The following BNC2 variants were observed in gnomAD, a reference collection of about 807,000 sequenced individuals.
BNC2 encodes zinc finger protein basonuclin-2.
A neutral mutation model predicts 76.3 loss-of-function variants in BNC2; 20 were observed. The observed-to-expected ratio is 0.26, with a 90% CI of 0.18 to 0.38. The LOEUF (loss-of-function observed/expected upper bound fraction) is 0.38, where lower values mean the gene tolerates loss of function less well. Among genes scored for constraint, BNC2 ranks in the 10% least tolerant of loss-of-function variants. The probability of loss-of-function intolerance (pLI) is 1.00; values close to 1 mark genes in which losing one functional copy is unlikely to be tolerated. For missense variants in BNC2, 1,382 were observed against 1,399.8 expected, an observed-to-expected ratio of 0.99 and a Z score of 0.20; for synonymous variants, 582 against 514.8, an observed-to-expected ratio of 1.13 and a Z score of -1.77.
chr9:16,516,175 G>A (rs533730819), intron 5 of BNC2, among the ~76,000 whole-genome samples: 55 of 152,238 alleles, frequency 3.6e-4, no homozygotes, highest in African/African-American at 9.6e-4. Flanking sequence ...GCCCCAGGCC[G>A]CAGGGTTCTA....
chr9:16,512,939 C>G lies in BNC2; in HGVS notation c.669+39591G>C, dbSNP rs577085255. Among the ~76,000 whole-genome samples the G allele has an allele frequency of 1.1e-4, 16 of 152,140 alleles. 1 individual carries two copies. The South Asian group carries it at 2.1e-3, about 20-fold the overall frequency. ...TCACTTGAGGCCAGGATTTCGAGAC[C>G]AGCCTGGCCAACATGGTGAAACCCG... On this transcript the variant is annotated intron_variant, in intron 5 of 6. Transcript: ENST00000380672.
At chr9:16,634,665 C>T (rs973022942) in intron 3 of BNC2, among the ~76,000 whole-genome samples, 2 of 152,140 alleles carry the variant, frequency 1.3e-5, no homozygotes, top group Admixed American at 6.5e-5. Flanking sequence ...CCACACCTGG[C>T]TAATTTTTTG....
intron 1 of BNC2, among the ~76,000 whole-genome samples, chr9:16,790,044 G>C (rs1437339436): frequency 3.3e-5 from 5 of 152,166 alleles, no homozygotes. Context: ...CTGTCGCCTA[G>C]GCTGGAGTGC....
At chr9:16,481,757 T>C (rs1174996916) in intron 5 of BNC2, among the ~76,000 whole-genome samples, 2 of 152,076 alleles carry the variant, frequency 1.3e-5, no homozygotes, top group Non-Finnish European at 2.9e-5. Flanking sequence ...CAAGGTACAG[T>C]GTGGTTATAA....
chr9:16,764,034 G>T (rs908815456), intron 1 of BNC2, among the ~76,000 whole-genome samples: 2 of 152,120 alleles, frequency 1.3e-5, no homozygotes, highest in African/African-American at 4.8e-5. Context: ...AGTATGTGAC[G>T]AGAATTAAAA....
At chr9:16,829,681 C>T (rs917701497) in intron 1 of BNC2, among the ~76,000 whole-genome samples, 5 of 152,122 alleles carry the variant, frequency 3.3e-5, no homozygotes, top group East Asian at 1.9e-4. Flanking sequence ...AACATCTTAA[C>T]GCACAGTAGG....
At chr9:16,564,909 A>G (rs1471006992) in intron 4 of BNC2, among the ~76,000 whole-genome samples, 1 of 152,114 alleles carries the variant, frequency 6.6e-6, no homozygotes, top group African/African-American at 2.4e-5. Context: ...CTCCCTTAAC[A>G]TTATCTAGCA....
At chr9:16,697,290 A>G (rs1201889498) in intron 3 of BNC2, among the ~76,000 whole-genome samples, 1 of 152,154 alleles carries the variant, frequency 6.6e-6, no homozygotes, top group African/African-American at 2.4e-5. Context: ...CCAGGTAGTG[A>G]GCCGAGATTG....
At chr9:16,824,275 C>G (rs1018499459) in intron 1 of BNC2, among the ~76,000 whole-genome samples, 19 of 152,146 alleles carry the variant, frequency 1.2e-4, no homozygotes, top group African/African-American at 4.6e-4. Flanking sequence ...AATGTTTGGT[C>G]ATTTTATGAT....
At chr9:16,508,821 CT>C (rs386414529) in intron 5 of BNC2, among the ~76,000 whole-genome samples, 118 of 143,378 alleles carry the variant, frequency 8.2e-4, no homozygotes, top group Middle Eastern at 3.6e-3. Context: ...TTTTGCACAT[CT>C]TTTTTTTTTT....
At chr9:16,606,976 C>G (rs1256850888) in intron 3 of BNC2, among the ~76,000 whole-genome samples, 2 of 151,430 alleles carry the variant, frequency 1.3e-5, no homozygotes, top group African/African-American at 4.8e-5. Context: ...GAGGCAGGGT[C>G]TCACTCTGTC....
At chr9:16,677,578 A>AACACACACATACACAC (rs1554706098) in intron 3 of BNC2, among the ~76,000 whole-genome samples, 10 of 139,344 alleles carry the variant, frequency 7.2e-5, no homozygotes, top group African/African-American at 2.8e-4. Context: ...GTCTCAAACA[A>AACACACACATACACAC]ACACACACAC....
At chr9:16,774,258 C>T (rs564892519) in intron 1 of BNC2, among the ~76,000 whole-genome samples, 1 of 152,312 alleles carries the variant, frequency 6.6e-6, no homozygotes, top group South Asian at 2.1e-4. Context: ...GCTGGGATTA[C>T]AGTCGTGAGC....
chr9:16,723,953 A>G (rs1824241449), intron 3 of BNC2, among the ~76,000 whole-genome samples: 1 of 152,136 alleles, frequency 6.6e-6, no homozygotes. Context: ...GTTCTTTAAT[A>G]AGACACAGTT....
intron 1 of BNC2, among the ~76,000 whole-genome samples, chr9:16,764,180 G>C (rs2135404632): frequency 6.6e-6 from 1 of 152,278 alleles, no homozygotes; most frequent in Non-Finnish European, 1.5e-5. Context: ...CTCACTGCCA[G>C]TAATTGCTTC....
At chr9:16,731,722 G>A (rs1824509881) in intron 2 of BNC2, among the ~76,000 whole-genome samples, 1 of 152,078 alleles carries the variant, frequency 6.6e-6, no homozygotes, top group African/African-American at 2.4e-5. Context: ...TTTATAGACT[G>A]CTGTAATTAA....
At chr9:16,870,290 TCGTCCCCCCAGCC>T (rs1032723861) in intron 1 of BNC2, among the ~76,000 whole-genome samples, 8 of 149,422 alleles carry the variant, frequency 5.4e-5, no homozygotes, top group Admixed American at 3.3e-4. Flanking sequence ...CCCCTCCACC[TCGTCCCCCCAGCC>T]CGTCCCCAAC....
intron 1 of BNC2, among the ~76,000 whole-genome samples, chr9:16,839,195 T>A (rs1818772457): frequency 6.6e-6 from 1 of 152,216 alleles, no homozygotes; most frequent in Non-Finnish European, 1.5e-5. Context: ...AGTGAAGCAA[T>A]AATTCTGCAA....
At chr9:16,838,438 A>G (rs542078908) in intron 1 of BNC2, among the ~76,000 whole-genome samples, 40 of 152,224 alleles carry the variant, frequency 2.6e-4, no homozygotes, top group African/African-American at 8.9e-4. Context: ...GCGCATGCCT[A>G]TAATTCCAGC....
Sources: gnomAD v4.1 joint callset for allele counts (sites outside exome capture counted in the v4.1 genomes callset) on GRCh38, gnomAD v4.1.1 for gene constraint, MANE v1.5 for transcripts, NCBI Gene and HGNC (gene_info 2026-07-23, HGNC 2026-07-21) for gene names.